Variants in DZIP1L observed in about 807,000 individuals in gnomAD.
The protein encoded by DZIP1L is cilium assembly protein DZIP1L.
Under a neutral mutation model 88.7 loss-of-function variants are expected in DZIP1L, and 90 were observed. That is an observed-to-expected ratio of 1.02 (90% confidence interval 0.86 to 1.21). The LOEUF (loss-of-function observed/expected upper bound fraction) is 1.21. Among genes scored for constraint, DZIP1L ranks in the 50% most tolerant of loss-of-function variants. The pLI, the probability that DZIP1L is intolerant of heterozygous loss-of-function variation, is 0.00. For synonymous variants in DZIP1L, 363 were observed against 372.1 expected (o/e 0.98, Z 0.28); for missense variants, 932 against 955.8 (o/e 0.98, Z 0.33).
chr3:138,090,886 C>CT (rs749384584), intron 5 of DZIP1L, among the ~76,000 whole-genome samples: 303 of 143,490 alleles, frequency 2.1e-3, no homozygotes, highest in Middle Eastern at 3.6e-3. Context: ...CAAGGGATAA[C>CT]TTTTTTTTTT....
chr3:138,077,581 C>T lies in DZIP1L; in HGVS notation c.1340G>A (p.Arg447His), dbSNP rs376723739. 47 of 1,614,092 alleles carry T rather than the reference C, an allele frequency of 2.9e-5. No individual in the cohort carries two copies. The highest frequency in any genetic ancestry group is 3.3e-4 in the Middle Eastern group (2 of 6,084). Residue 447 changes from arginine to histidine, a missense_variant, in exon 11 of 16, where the codon CGT (arginine) becomes CAT (histidine). Arg to His is a conservative substitution (Grantham distance 29, BLOSUM62 0). Coordinates refer to ENST00000327532, the MANE Select transcript of DZIP1L (RefSeq NM_173543.3). ...GAAGTGCTTCAGCAAAGTGGGGTTA[C>T]GCCTCAGAGCTGCCAGCACCTTGTG... ...EQHKVLAALR[R>H]NPTLLKHFRP... is the part of the protein sequence containing the mutation.
At chr3:138,095,354 T>C (rs570275954) in intron 3 of DZIP1L, among the ~76,000 whole-genome samples, 1 of 152,324 alleles carries the variant, frequency 6.6e-6, no homozygotes, top group East Asian at 1.9e-4. Context: ...CAGAACAGAA[T>C]ATCAAATAGC....
intron 1 of DZIP1L, among the ~76,000 whole-genome samples, chr3:138,111,485 T>G (rs1028879960): frequency 6.6e-6 from 1 of 152,204 alleles, no homozygotes; most frequent in African/African-American, 2.4e-5. Context: ...AGATATGGCC[T>G]CAGTGTTGGA....
Position 138,101,568 on chromosome 3 carries a change from G to A in DZIP1L, c.501+1903C>T, listed in dbSNP as rs2042313073. The A allele has an allele frequency of 2.0e-5, 16 of 807,556 alleles. No individual in the cohort carries two copies. The South Asian group carries it at 2.1e-4, about 11-fold the overall frequency. The allele number at this position is 807,556 out of a possible 1,614,324, so 50.0% of individuals were successfully genotyped here. On this transcript the variant is annotated intron_variant, in intron 2 of 15. Transcript: ENST00000327532. The stretch of plus-strand genomic sequence containing the variant: ...CAACCACAGTGGCCCTGGTGGAGCT[G>A]GTGCGGCTGAAGGAGCTGGAGCCTG...
At chr3:138,099,530 C>T (rs1280774875) in intron 2 of DZIP1L, among the ~76,000 whole-genome samples, 2 of 152,174 alleles carry the variant, frequency 1.3e-5, no homozygotes, top group Non-Finnish European at 2.9e-5. Flanking sequence ...AGAGTGTCTA[C>T]TATTGTTTGA....
chr3:138,062,364 C>T lies in DZIP1L; in HGVS notation c.*452G>A, dbSNP rs141049999. 2.1e-3 allele frequency: 329 copies of T among 159,948 alleles called. 1 individual carries two copies. Among genetic ancestry groups the T allele is most frequent in the African/African-American group, 7.3e-3 (306 of 41,692 alleles). The allele number at this position is 159,948 out of a possible 1,614,324, so 9.9% of individuals were successfully genotyped here. ...AGTAGTGAGAGGCTAGAGAGCCTGG[C>T]GCAGAGTAGGTAGGCACTCAGTAAA... On this transcript the variant is annotated 3_prime_UTR_variant, in exon 16 of 16. Transcript: ENST00000327532.
At chr3:138,090,935 G>A (rs1031702230) in intron 5 of DZIP1L, among the ~76,000 whole-genome samples, 2 of 150,802 alleles carry the variant, frequency 1.3e-5, no homozygotes, top group African/African-American at 2.4e-5. Context: ...CCAGGCAGGG[G>A]TGCAGTGGCG....
chr3:138,068,530 C>G (rs1943021616), intron 12 of DZIP1L, among the ~76,000 whole-genome samples, 163 bp from the exon 13 acceptor site: 1 of 152,172 alleles, frequency 6.6e-6, no homozygotes, highest in South Asian at 2.1e-4. Flanking sequence ...ATCAGGTGTT[C>G]TGCTGGCCAG....
chr3:138,087,057 T>C lies in DZIP1L; in HGVS notation c.1000-34A>G. 1.6e-6 allele frequency: 2 copies of C among 1,286,994 alleles called. No homozygotes were observed. Among genetic ancestry groups the C allele is most frequent in the Non-Finnish European group, 2.2e-6 (2 of 890,122 alleles). The allele number at this position is 1,286,994 out of a possible 1,614,324, so 79.7% of individuals were successfully genotyped here. On this transcript the variant is annotated intron_variant, in intron 6 of 15. Transcript: ENST00000327532. ...GATTAAAAGCTTATCAAATGGGCCCTTGCAGGTATTAAAACATGTTATAAA... is the reference window on the plus strand; with the variant it reads ...GATTAAAAGCTTATCAAATGGGCCCCTGCAGGTATTAAAACATGTTATAAA...
chr3:138,069,120 G>A (rs373783042), intron 12 of DZIP1L: 16 of 779,240 alleles, frequency 2.1e-5, no homozygotes, highest in African/African-American at 1.9e-4. Context: ...TCTGCCACCC[G>A]TGAGACAGCA....
At chr3:138,109,223 T>C (rs2042575889) in intron 1 of DZIP1L, among the ~76,000 whole-genome samples, 2 of 152,250 alleles carry the variant, frequency 1.3e-5, no homozygotes, top group South Asian at 4.1e-4. Context: ...CTGGGCTGTT[T>C]ATTTTATGTA....
intron 1 of DZIP1L, among the ~76,000 whole-genome samples, chr3:138,105,605 T>C (rs892196508): frequency 1.3e-5 from 2 of 152,026 alleles, no homozygotes; most frequent in African/African-American, 4.8e-5. Flanking sequence ...TTAGGAATAA[T>C]GACAAGAAAA....
chr3:138,068,252 ATGGCTCTGACGAGTTGGTGGGGG>A lies in DZIP1L; in HGVS notation c.1708_1730del (p.Pro570TrpfsTer41). 6.3e-7 allele frequency: 1 copy of A among 1,596,526 alleles called. No homozygotes were observed. The highest frequency in any genetic ancestry group is 1.7e-5 in the Admixed American group (1 of 57,728). On this transcript the variant is annotated frameshift_variant, in exon 13 of 16. Coordinates refer to ENST00000327532, the MANE Select transcript of DZIP1L (RefSeq NM_173543.3). LOFTEE classifies it high-confidence loss of function. ...GGGTCAGGCTGGAGCCATGGCTGCC[ATGGCTCTGACGAGTTGGTGGGGG>A]TGGCTCTGCCGGTGTGGATGGCAAG...
rs760024871 is a variant in DZIP1L, at chr3:138,068,212, C to T, written c.1771G>A (p.Ala591Thr). ...GSSLTQVSAP[A>T]PRPGLHGPSS... ...GGTCCATGCAGTCCGGGGCGTGGAG[C>T]GGGGGCGGACACCTGGGTCAGGCTG... is the stretch of plus-strand genomic sequence containing the variant. The change falls in exon 13 of 16, where the codon GCT becomes ACT. Residue 591 changes from alanine to threonine, a missense_variant. By Grantham distance (58) the Ala-to-Thr change is moderately conservative. Transcript: ENST00000327532. 7 of 1,590,668 alleles carry T rather than the reference C, an allele frequency of 4.4e-6. No individual in the cohort carries two copies. The highest frequency in any genetic ancestry group is 1.7e-4 in the Middle Eastern group (1 of 5,788).
intron 15 of DZIP1L, 111 bp downstream of exon 15, chr3:138,064,517 G>A (rs759124800): frequency 6.2e-7 from 1 of 1,612,552 alleles, no homozygotes. Flanking sequence ...TCCCACTAGG[G>A]CAAAGGATGA....
intron 10 of DZIP1L, among the ~76,000 whole-genome samples, chr3:138,077,841 C>T (rs1559833161): frequency 6.6e-6 from 1 of 152,240 alleles, no homozygotes; most frequent in Non-Finnish European, 1.5e-5. Context: ...GGGTTCCAGC[C>T]TAATCCTAGC....
chr3:138,106,120 C>CTTCTTTCTTTCT (rs1559864261), intron 1 of DZIP1L, among the ~76,000 whole-genome samples: 1 of 117,454 alleles, frequency 8.5e-6, no homozygotes, highest in African/African-American at 3.2e-5. Context: ...ATGATTCAGT[C>CTTCTTTCTTTCT]TTCTTTCTTT....
At chr3:138,073,211 G>A (rs980942473) in intron 11 of DZIP1L, among the ~76,000 whole-genome samples, 3 of 152,072 alleles carry the variant, frequency 2.0e-5, no homozygotes, top group Admixed American at 1.3e-4. Context: ...CCTCCCTATA[G>A]GACCACAGTT....
intron 5 of DZIP1L, among the ~76,000 whole-genome samples, chr3:138,091,776 G>A (rs1944248485): frequency 6.6e-6 from 1 of 152,026 alleles, no homozygotes; most frequent in Non-Finnish European, 1.5e-5. Flanking sequence ...TACTAAACCA[G>A]TGATGCACCT....
Sources: gnomAD v4.1 joint callset for allele counts (sites outside exome capture counted in the v4.1 genomes callset) on GRCh38, gnomAD v4.1.1 for gene constraint, MANE v1.5 for transcripts, NCBI Gene and HGNC (gene_info 2026-07-23, HGNC 2026-07-21) for gene names.